Variants in MEIKIN observed in about 807,000 individuals in gnomAD.
The protein encoded by MEIKIN is meiotic kinetochore factor.
chr5:131,919,432 T>C (rs940686848), intron 6 of MEIKIN, among the ~76,000 whole-genome samples: 3 of 152,242 alleles, frequency 2.0e-5, no homozygotes, highest in African/African-American at 7.2e-5. Context: ...ATAGGTTTAT[T>C]CATTGCAGTA....
At chr5:131,860,754 CTTTTTTTTTTTT>C (rs35117395) in intron 9 of MEIKIN, among the ~76,000 whole-genome samples, 2 of 51,012 alleles carry the variant, frequency 3.9e-5, no homozygotes, top group South Asian at 1.2e-3. Flanking sequence ...GCCTGTTTGG[CTTTTTTTTTTTT>C]TTTTTTTTTT....
chr5:131,893,828 G>A (rs530686829), intron 8 of MEIKIN, among the ~76,000 whole-genome samples: 1 of 152,272 alleles, frequency 6.6e-6, no homozygotes, highest in South Asian at 2.1e-4. Flanking sequence ...TCTGTAGGTT[G>A]CCTGTTCACT....
intron 9 of MEIKIN, among the ~76,000 whole-genome samples, chr5:131,869,551 G>A (rs1750449398): frequency 6.6e-6 from 1 of 152,110 alleles, no homozygotes; most frequent in Non-Finnish European, 1.5e-5. Flanking sequence ...ACTTTCTCCT[G>A]AGGCCAGGCC....
chr5:131,893,501 T>A (rs1323618956), intron 8 of MEIKIN, among the ~76,000 whole-genome samples: 1 of 152,194 alleles, frequency 6.6e-6, no homozygotes, highest in African/African-American at 2.4e-5. Context: ...CCCCTTTCTT[T>A]GACTAGGAAA....
In MEIKIN at chr5:131,845,272, T is replaced by TAAAAAAAA. The variant is rs1158220526; in HGVS notation, c.975+5984_975+5991dup. On this transcript the variant is annotated intron_variant, in intron 11 of 12. Transcript: ENST00000442687. ...GTGACAGAGCGAGAAGACTTCGTCT[T>TAAAAAAAA]AAAAAAAAAAAAAAAAAAAAAAAAA... Among the ~76,000 whole-genome samples the TAAAAAAAA allele has an allele frequency of 4.8e-3, 217 of 45,344 alleles. 31 individuals carry two copies. The highest frequency in any genetic ancestry group is 0.025 in the African/African-American group (181 of 7,150). 29.7% of individuals were successfully genotyped at this position (45,344 alleles called of 152,430 possible). A position where few individuals can be genotyped will look rare whatever the true frequency, so the allele number is the denominator to read the frequency against.
At chr5:131,877,891 C>T (rs1235814532) in intron 9 of MEIKIN, among the ~76,000 whole-genome samples, 2 of 152,192 alleles carry the variant, frequency 1.3e-5, no homozygotes, top group Admixed American at 6.5e-5. Context: ...TTAAATTGCA[C>T]ACCATTCTGA....
At chr5:131,873,030 G>T (rs958258172) in intron 9 of MEIKIN, among the ~76,000 whole-genome samples, 6 of 152,176 alleles carry the variant, frequency 3.9e-5, no homozygotes, top group Admixed American at 6.5e-5. Context: ...ACTGGTACCA[G>T]CCACTGCAAA....
At chr5:131,828,144 C>A (rs1460850941) in intron 11 of MEIKIN, among the ~76,000 whole-genome samples, 1 of 151,954 alleles carries the variant, frequency 6.6e-6, no homozygotes, top group Non-Finnish European at 1.5e-5. Context: ...TTGCATAGTA[C>A]AAAAGGTTTA....
At chr5:131,931,682 A>G (rs998260957) in intron 5 of MEIKIN, among the ~76,000 whole-genome samples, 54 of 152,186 alleles carry the variant, frequency 3.5e-4, no homozygotes, top group African/African-American at 1.2e-3. Context: ...GGCTGGCCCC[A>G]TGCTTGCCAG....
At chr5:131,891,093 G>A (rs372402176) in intron 8 of MEIKIN, among the ~76,000 whole-genome samples, 38 of 151,082 alleles carry the variant, frequency 2.5e-4, no homozygotes, top group Non-Finnish European at 4.4e-4. Context: ...AGTTTGTTAT[G>A]ATTTCTGTTC....
chr5:131,882,956 A>G (rs1029235008), intron 8 of MEIKIN, among the ~76,000 whole-genome samples: 5 of 152,170 alleles, frequency 3.3e-5, no homozygotes, highest in African/African-American at 1.2e-4. Flanking sequence ...TGCTCTATCT[A>G]AAATAGCATG....
At chr5:131,876,195 A>G (rs112023058) in intron 9 of MEIKIN, among the ~76,000 whole-genome samples, 116 of 152,304 alleles carry the variant, frequency 7.6e-4, no homozygotes, top group African/African-American at 2.5e-3. Context: ...AACTACCATC[A>G]GAGTGACCAG....
intron 11 of MEIKIN, among the ~76,000 whole-genome samples, chr5:131,847,885 A>T (rs576120451): frequency 6.6e-6 from 1 of 152,234 alleles, no homozygotes; most frequent in East Asian, 1.9e-4. Flanking sequence ...AAACTGAAAA[A>T]TTCAACAAAC....
chr5:131,838,816 T>C (rs1411752460), intron 11 of MEIKIN, among the ~76,000 whole-genome samples: 2 of 152,144 alleles, frequency 1.3e-5, no homozygotes, highest in Admixed American at 6.6e-5. Flanking sequence ...CCTGGATTTG[T>C]TGATCTTTTG....
chr5:131,926,863 A>G (rs1024942250), intron 5 of MEIKIN, among the ~76,000 whole-genome samples: 1 of 152,132 alleles, frequency 6.6e-6, no homozygotes, highest in Non-Finnish European at 1.5e-5. Context: ...ATCAGGTATA[A>G]TGTCTCATCT....
intron 8 of MEIKIN, among the ~76,000 whole-genome samples, chr5:131,885,140 C>T (rs978677429): frequency 6.6e-6 from 1 of 152,152 alleles, no homozygotes; most frequent in Non-Finnish European, 1.5e-5. Flanking sequence ...GCTTAGTTGG[C>T]TTCATCACCT....
chr5:131,887,761 GGTTT>G (rs1184005866), intron 8 of MEIKIN, among the ~76,000 whole-genome samples: 2 of 151,238 alleles, frequency 1.3e-5, no homozygotes, highest in Admixed American at 1.3e-4. Context: ...ACAACATGCA[GGTTT>G]GTTACATATG....
At chr5:131,918,003 G>A (rs1472176419) in intron 6 of MEIKIN, among the ~76,000 whole-genome samples, 1 of 152,122 alleles carries the variant, frequency 6.6e-6, no homozygotes. Flanking sequence ...GCATCTCGCT[G>A]GACAAAGTGA....
chr5:131,882,126 C>T (rs374284473), intron 8 of MEIKIN, among the ~76,000 whole-genome samples: 12 of 152,212 alleles, frequency 7.9e-5, no homozygotes, highest in Non-Finnish European at 1.6e-4. Context: ...GGTATATCTG[C>T]CTGTAAAATA....
Sources: gnomAD v4.1 joint callset for allele counts (sites outside exome capture counted in the v4.1 genomes callset) on GRCh38, gnomAD v4.1.1 for gene constraint, MANE v1.5 for transcripts, NCBI Gene and HGNC (gene_info 2026-07-23, HGNC 2026-07-21) for gene names.